CYFIP2: variants seen among roughly 807,000 people sequenced by gnomAD.
CYFIP2 encodes cytoplasmic FMR1 interacting protein 2.
In CYFIP2, 29 loss-of-function variants were observed where a neutral mutation model predicts 158.7. The ratio of observed to expected loss-of-function variants is 0.18; its 90% CI spans 0.14 to 0.25. The LOEUF is 0.25. CYFIP2 is among the 10% of genes least tolerant of loss of function. The pLI, the probability that CYFIP2 is intolerant of heterozygous loss-of-function variation, is 1.00. For synonymous variants in CYFIP2, 585 were observed against 617.6 expected, an observed-to-expected ratio of 0.95 and a Z score of 0.78; for missense variants, 852 against 1,639.5, an observed-to-expected ratio of 0.52 and a Z score of 8.29.
intron 1 of CYFIP2, among the ~76,000 whole-genome samples, chr5:157,268,732 T>G (rs1486084806): frequency 6.6e-6 from 1 of 152,220 alleles, no homozygotes; most frequent in Non-Finnish European, 1.5e-5. Context: ...ATTATTCACT[T>G]GTAATTGACA....
Position 157,393,614 on chromosome 5 carries a change from G to C in CYFIP2, c.*614G>C, listed in dbSNP as rs1229353736. On this transcript the variant is annotated 3_prime_UTR_variant, in exon 31 of 31. Coordinates refer to ENST00000620254, the MANE Select transcript of CYFIP2 (RefSeq NM_001037333.3). ...GAAGCCCTAGAGAGAGGTCCAAAAA[G>C]CATTCACAGCTGTATCACACTCTAT... 1 of 152,400 alleles carries C rather than the reference G, an allele frequency of 6.6e-6. No homozygotes were observed. The highest frequency in any genetic ancestry group is 1.9e-4 in the East Asian group (1 of 5,196). The allele number at this position is 152,400 out of a possible 1,614,324, so 9.4% of individuals were successfully genotyped here.
intron 26 of CYFIP2, among the ~76,000 whole-genome samples, chr5:157,372,869 C>T (rs1300443645): frequency 6.6e-6 from 1 of 152,112 alleles, no homozygotes; most frequent in Admixed American, 6.5e-5. Context: ...GAAGGCTTAC[C>T]TTCTGCTTCA....
chr5:157,357,052 G>T (rs547495725), intron 23 of CYFIP2, among the ~76,000 whole-genome samples: 2 of 152,324 alleles, frequency 1.3e-5, no homozygotes, highest in Admixed American at 1.3e-4. Context: ...GGCAGAGCTT[G>T]CTGTGACAGC....
intron 13 of CYFIP2, among the ~76,000 whole-genome samples, chr5:157,316,086 T>C (rs1329006756): frequency 7.5e-6 from 1 of 133,338 alleles, no homozygotes; most frequent in Non-Finnish European, 1.6e-5. Flanking sequence ...TGAGACTCTG[T>C]CTTAAAAAAA....
At chr5:157,374,774 C>G (rs1765307682) in intron 26 of CYFIP2, among the ~76,000 whole-genome samples, 1 of 152,210 alleles carries the variant, frequency 6.6e-6, no homozygotes, top group Non-Finnish European at 1.5e-5. Context: ...CTGTGGGTCT[C>G]TATTCCAATT....
chr5:157,326,094 T>A, intron 17 of CYFIP2, 77 bp from the exon 18 acceptor site: 1 of 1,109,934 alleles, frequency 9.0e-7, no homozygotes, highest in Non-Finnish European at 1.4e-6. Flanking sequence ...CTTGTTTCTA[T>A]TTCCCAAGCA....
chr5:157,312,987 C>G (rs192724696), intron 11 of CYFIP2, among the ~76,000 whole-genome samples: 1 of 152,216 alleles, frequency 6.6e-6, no homozygotes, highest in Non-Finnish European at 1.5e-5. Context: ...GCTGGGATTA[C>G]AGGCATCAGC....
At chr5:157,346,464 G>A (rs1006608599) in intron 23 of CYFIP2, among the ~76,000 whole-genome samples, 1 of 152,154 alleles carries the variant, frequency 6.6e-6, no homozygotes, top group Non-Finnish European at 1.5e-5. Context: ...AAAAGACAGA[G>A]AGACTCAAGG....
chr5:157,353,904 C>G (rs747341413), intron 23 of CYFIP2, among the ~76,000 whole-genome samples: 2 of 152,196 alleles, frequency 1.3e-5, no homozygotes, highest in Non-Finnish European at 2.9e-5. Flanking sequence ...ATAGGCCTTA[C>G]TGTTTGAAGT....
At chr5:157,371,086 G>C (rs1045891389) in intron 26 of CYFIP2, among the ~76,000 whole-genome samples, 4 of 152,354 alleles carry the variant, frequency 2.6e-5, no homozygotes, top group East Asian at 3.9e-4. Flanking sequence ...AGGGCTGGAA[G>C]CTGTGGCTTG....
At chr5:157,270,404 A>G (rs1051796704) in intron 1 of CYFIP2, among the ~76,000 whole-genome samples, 4 of 152,208 alleles carry the variant, frequency 2.6e-5, no homozygotes, top group Admixed American at 1.3e-4. Flanking sequence ...GTGGAATAAG[A>G]AATAAACTGG....
At chr5:157,326,009 G>T (rs1760991630) in intron 17 of CYFIP2, 162 bp from the exon 18 acceptor site, 2 of 621,286 alleles carry the variant, frequency 3.2e-6, no homozygotes. Flanking sequence ...TGACTGTAAA[G>T]TAAGTTGCTT....
At chr5:157,321,724 G>A (rs558483046) in intron 15 of CYFIP2, among the ~76,000 whole-genome samples, 6 of 152,144 alleles carry the variant, frequency 3.9e-5, no homozygotes, top group Middle Eastern at 3.4e-3. Flanking sequence ...CTGTGTGTGC[G>A]TCTGTGTCTG....
At chr5:157,365,714 T>G (rs1198265086) in intron 26 of CYFIP2, among the ~76,000 whole-genome samples, 1 of 151,056 alleles carries the variant, frequency 6.6e-6, no homozygotes, top group African/African-American at 2.4e-5. Flanking sequence ...GAGTTCTATT[T>G]CCAGAGATAG....
intron 5 of CYFIP2, among the ~76,000 whole-genome samples, chr5:157,297,942 A>G (rs1445206385): frequency 2.0e-5 from 3 of 152,238 alleles, no homozygotes; most frequent in South Asian, 4.1e-4. Context: ...CAGTGCAGAT[A>G]TGGACCATTT....
chr5:157,377,645 T>G (rs1330398579), intron 26 of CYFIP2, among the ~76,000 whole-genome samples: 1 of 152,196 alleles, frequency 6.6e-6, no homozygotes, highest in Non-Finnish European at 1.5e-5. Flanking sequence ...GCCTATTATT[T>G]GCTATATAAA....
At chr5:157,365,786 C>CTCTGTCATTCAACATTACATT (rs70984465) in intron 26 of CYFIP2, among the ~76,000 whole-genome samples, 76,235 of 145,910 alleles carry the variant, frequency 0.52, 20,882 homozygotes, top group African/African-American at 0.61. Context: ...CCTTTCTGAC[C>CTCTGTCATTCAACATTACATT]TCTGTCATTC....
At chr5:157,302,237 C>T (rs1441798736) in intron 6 of CYFIP2, among the ~76,000 whole-genome samples, 1 of 152,180 alleles carries the variant, frequency 6.6e-6, no homozygotes, top group Non-Finnish European at 1.5e-5. Flanking sequence ...GTCAGGCAGC[C>T]ACAGCTTTCT....
intron 26 of CYFIP2, among the ~76,000 whole-genome samples, chr5:157,371,611 C>A (rs867718176): frequency 1.3e-5 from 2 of 152,118 alleles, no homozygotes; most frequent in South Asian, 2.1e-4. Flanking sequence ...AATCAAGTCT[C>A]CAGTTAGCCT....
Sources: gnomAD v4.1 joint callset for allele counts (sites outside exome capture counted in the v4.1 genomes callset) on GRCh38, gnomAD v4.1.1 for gene constraint, MANE v1.5 for transcripts, NCBI Gene and HGNC (gene_info 2026-07-23, HGNC 2026-07-21) for gene names.